Variants in CCDC192 observed in about 807,000 individuals in gnomAD.
CCDC192 encodes the protein coiled-coil domain containing 192.
intron 3 of CCDC192, among the ~76,000 whole-genome samples, chr5:127,782,080 A>T (rs1488131496): frequency 6.6e-6 from 1 of 152,190 alleles, no homozygotes; most frequent in Admixed American, 6.5e-5. Context: ...TATTGAGATA[A>T]TCATGTGATT....
intron 6 of CCDC192, among the ~76,000 whole-genome samples, chr5:127,906,480 A>G (rs149924041): frequency 6.6e-6 from 1 of 152,186 alleles, no homozygotes; most frequent in East Asian, 1.9e-4. Context: ...TGTTATGAGC[A>G]CAGGTGTACA....
rs1354187758 is a variant in CCDC192 at position 127,882,284 on chromosome 5, A to G, written c.535+6623A>G. Among the ~76,000 whole-genome samples the G allele has an allele frequency of 3.3e-5, 5 of 152,290 alleles. No individual in the cohort carries two copies. The East Asian group carries it at 7.7e-4, about 24-fold the overall frequency. ...AAGTATCAAACTATTGCTATCCTAC[A>G]TTCTTGAGAAAGTCCGGAAATATAT... On this transcript the variant is annotated intron_variant, in intron 6 of 6. Transcript: ENST00000514853.
intron 3 of CCDC192, among the ~76,000 whole-genome samples, chr5:127,774,046 C>T (rs1755713682): frequency 1.3e-5 from 2 of 152,204 alleles, no homozygotes; most frequent in African/African-American, 4.8e-5. Flanking sequence ...TGCTTCTTGG[C>T]CATTTGTGTG....
chr5:127,851,582 T>A (rs2127085057), intron 5 of CCDC192, among the ~76,000 whole-genome samples: 1 of 152,196 alleles, frequency 6.6e-6, no homozygotes, highest in South Asian at 2.1e-4. Flanking sequence ...CTCAGCTTCC[T>A]GAGTAGGTGG....
intron 5 of CCDC192, among the ~76,000 whole-genome samples, chr5:127,825,225 G>A (rs540904261): frequency 1.3e-5 from 2 of 152,172 alleles, no homozygotes; most frequent in Non-Finnish European, 2.9e-5. Flanking sequence ...CATCCACAAT[G>A]GCATAGAGTA....
rs77954662 is a variant in CCDC192, at chr5:127,835,446, A to T, written c.411+37284A>T. 6.7e-3 allele frequency among the ~76,000 whole-genome samples: 1,025 copies of T among 152,252 alleles called. 7 individuals are homozygous for T. Among genetic ancestry groups the T allele is most frequent in the Non-Finnish European group, 0.011 (721 of 68,022 alleles). On this transcript the variant is annotated intron_variant, in intron 5 of 6. Coordinates refer to ENST00000514853, the MANE Select transcript of CCDC192 (RefSeq NM_001317938.2). Reference sequence around the variant, plus strand: ...AGTGTTTTCTTCCTTTGCATGCTGGATGTCTCTTTTGGCCCTCCTCAAATG... The same window carrying T: ...AGTGTTTTCTTCCTTTGCATGCTGGTTGTCTCTTTTGGCCCTCCTCAAATG...
chr5:127,872,023 A>T (rs1751885353), intron 5 of CCDC192, among the ~76,000 whole-genome samples: 1 of 152,244 alleles, frequency 6.6e-6, no homozygotes, highest in South Asian at 2.1e-4. Flanking sequence ...CAGCAAGGAA[A>T]ATATTATTGT....
At chr5:127,819,996 C>T (rs557892236) in intron 5 of CCDC192, among the ~76,000 whole-genome samples, 3 of 152,312 alleles carry the variant, frequency 2.0e-5, no homozygotes, top group East Asian at 3.9e-4. Context: ...CTCTCACACA[C>T]GTACATCTCT....
At chr5:127,746,072 T>G (rs1193989591) in intron 2 of CCDC192, among the ~76,000 whole-genome samples, 1 of 152,226 alleles carries the variant, frequency 6.6e-6, no homozygotes, top group East Asian at 1.9e-4. Flanking sequence ...AGTGCTTGCT[T>G]TTGTATAAGC....
At chr5:127,774,955 A>T (rs1755772187) in intron 3 of CCDC192, among the ~76,000 whole-genome samples, 1 of 152,182 alleles carries the variant, frequency 6.6e-6, no homozygotes. Flanking sequence ...TTTGCATTGT[A>T]CCAGTGTTTC....
intron 5 of CCDC192, among the ~76,000 whole-genome samples, chr5:127,808,693 G>A (rs1757925984): frequency 6.6e-6 from 1 of 152,068 alleles, no homozygotes; most frequent in South Asian, 2.1e-4. Context: ...CCCCTAAAGG[G>A]CAAGCCTTTC....
At chr5:127,915,245 A>G (rs1459137549) in intron 6 of CCDC192, among the ~76,000 whole-genome samples, 2 of 152,238 alleles carry the variant, frequency 1.3e-5, no homozygotes, top group Admixed American at 6.5e-5. Context: ...ATTTTAAAAT[A>G]CTTTGTAGCT....
In CCDC192 at chr5:127,937,263, A is replaced by T. The variant is rs145193405; in HGVS notation, c.536-3919A>T. Among the ~76,000 whole-genome samples the T allele has an allele frequency of 5.3e-3, 813 of 152,090 alleles. 4 individuals are homozygous for T. The highest frequency in any genetic ancestry group is 0.018 in the African/African-American group (764 of 41,462). ...TCATGCCATCTCTCTTTTTTTCAGC[A>T]TCTACTCTACCCCTTTTCTGACTGT... On this transcript the variant is annotated intron_variant, in intron 6 of 6. Coordinates refer to ENST00000514853, the MANE Select transcript of CCDC192 (RefSeq NM_001317938.2).
chr5:127,738,762 G>A (rs1182581201), intron 2 of CCDC192, among the ~76,000 whole-genome samples: 2 of 152,168 alleles, frequency 1.3e-5, no homozygotes, highest in African/African-American at 4.8e-5. Context: ...TAGTTCTCGA[G>A]CCTTGGTTTT....
chr5:127,841,480 T>A (rs918338206), intron 5 of CCDC192, among the ~76,000 whole-genome samples: 4 of 152,328 alleles, frequency 2.6e-5, no homozygotes, highest in African/African-American at 9.6e-5. Flanking sequence ...AATTTTTTTT[T>A]AATCTTGGTT....
chr5:127,756,391 C>T (rs1754593937), intron 3 of CCDC192, among the ~76,000 whole-genome samples: 1 of 151,988 alleles, frequency 6.6e-6, no homozygotes, highest in Non-Finnish European at 1.5e-5. Flanking sequence ...GATAATTCGA[C>T]GGGGAGGGGC....
chr5:127,858,697 C>A (rs1751216897), intron 5 of CCDC192, among the ~76,000 whole-genome samples: 1 of 152,186 alleles, frequency 6.6e-6, no homozygotes, highest in African/African-American at 2.4e-5. Flanking sequence ...GGCATTTACC[C>A]AGTCATAGCA....
intron 6 of CCDC192, among the ~76,000 whole-genome samples, chr5:127,883,286 T>A (rs1272749720): frequency 6.6e-6 from 1 of 152,206 alleles, no homozygotes; most frequent in African/African-American, 2.4e-5. Context: ...ACCACTGAAC[T>A]TTCAGATACA....
chr5:127,923,155 T>C (rs1175900281), intron 6 of CCDC192, among the ~76,000 whole-genome samples: 1 of 152,218 alleles, frequency 6.6e-6, no homozygotes, highest in Non-Finnish European at 1.5e-5. Context: ...CCAGTTAGAA[T>C]TGGGCTTTCA....
Sources: allele counts gnomAD v4.1 joint callset (sites outside exome capture counted in the v4.1 genomes callset), GRCh38; gene constraint gnomAD v4.1.1; transcripts MANE v1.5; gene names NCBI Gene and HGNC (gene_info 2026-07-23, HGNC 2026-07-21).